The following BET1L variants were observed in gnomAD, a reference collection of about 807,000 sequenced individuals.
BET1L encodes BET1-like protein.
In BET1L, 13 loss-of-function variants were observed where a neutral mutation model predicts 12.6. That is an observed-to-expected ratio of 1.03 (90% CI 0.67 to 1.64). The LOEUF (loss-of-function observed/expected upper bound fraction) is 1.64. Ranked by LOEUF, BET1L falls within the 40% of genes most tolerant of loss-of-function variation. BET1L has a pLI of 0.00. For missense variants in BET1L, 154 were observed against 150.7 expected (o/e 1.02, Z -0.11); for synonymous variants, 60 against 56.9 (o/e 1.05, Z -0.25).
intron 1 of BET1L, chr11:206,958 A>C: frequency 2.7e-6 from 1 of 374,614 alleles, no homozygotes. Flanking sequence ...CACAGCCTCT[A>C]CTCCTAGGGC....
At chr11:205,528 C>T in intron 3 of BET1L, 59 bp from the exon 4 acceptor site, 1 of 1,614,196 alleles carries the variant, frequency 6.2e-7, no homozygotes, top group Non-Finnish European at 8.5e-7. Context: ...CCCACCCGCA[C>T]CAGTGCTGAA....
chr11:205,207 G>A lies in BET1L; in HGVS notation c.*95C>T. 1 of 1,405,496 alleles carries A rather than the reference G, an allele frequency of 7.1e-7. No homozygotes were observed. The highest frequency in any genetic ancestry group is 2.5e-5 in the East Asian group (1 of 40,710). 87.1% of individuals were successfully genotyped at this position (1,405,496 alleles called of 1,614,324 possible). On this transcript the variant is annotated 3_prime_UTR_variant, in exon 4 of 4. Coordinates refer to ENST00000382762, the MANE Select transcript of BET1L (RefSeq NM_001098787.2). ...CCTGACCCACAATTATCATTGCAAA[G>A]GAGTATTTTGTAGGTAAGTCCTCTG...
At position 207,354 on chromosome 11, in the gene BET1L, C is replaced by CGCCTCAGACGTGGCCACAGCCGCCTCA. The variant is rs1564796955; in HGVS notation, c.-34_-33insTGAGGCGGCTGTGGCCACGTCTGAGGC. ...TGCCCCGGCTCCTCGACGCGGACAC[C>CGCCTCAGACGTGGCCACAGCCGCCTCA]GACGCGGCCACAGCCGCCTCAGACG... On this transcript the variant is annotated 5_prime_UTR_variant, in exon 1 of 4. Transcript: ENST00000382762. The CGCCTCAGACGTGGCCACAGCCGCCTCA allele has an allele frequency of 3.2e-5, 35 of 1,099,342 alleles. No homozygotes were observed. Among genetic ancestry groups the CGCCTCAGACGTGGCCACAGCCGCCTCA allele is most frequent in the South Asian group, 2.3e-4 (17 of 73,024 alleles). The allele number at this position is 1,099,342 out of a possible 1,614,324, so 68.1% of individuals were successfully genotyped here.
At chr11:207,197 C>G in intron 1 of BET1L, 106 bp downstream of exon 1, 1 of 1,409,826 alleles carries the variant, frequency 7.1e-7, no homozygotes, top group South Asian at 1.3e-5. Context: ...TCCTCTCGGC[C>G]GAGGTCACCC....
chr11:206,985 T>C lies in BET1L; in HGVS notation c.19+318A>G, dbSNP rs1855179763. On this transcript the variant is annotated intron_variant, in intron 1 of 3. Transcript: ENST00000382762. ...TCCTAGGGCCTGGCCTCGGGACCTG[T>C]CGAATGCCGACTCCCGCTCACCCCG... is the stretch of plus-strand genomic sequence containing the variant. 4 of 429,040 alleles carry C rather than the reference T, an allele frequency of 9.3e-6. No homozygotes were observed. The South Asian group carries it at 1.3e-4, about 13-fold the overall frequency. 26.6% of individuals were successfully genotyped at this position (429,040 alleles called of 1,614,324 possible).
intron 1 of BET1L, chr11:206,937 C>A: frequency 3.1e-6 from 1 of 320,256 alleles, no homozygotes; most frequent in Non-Finnish European, 5.8e-6. Flanking sequence ...CCTGCTTGGA[C>A]ACCAGCGGAG....
intron 1 of BET1L, among the ~76,000 whole-genome samples, chr11:206,457 A>G (rs572028110): frequency 6.6e-6 from 1 of 152,398 alleles, no homozygotes; most frequent in South Asian, 2.1e-4. Context: ...AAAAGTACCC[A>G]GCAAGGCAGC....
At chr11:207,258 T>C in intron 1 of BET1L, 45 bp downstream of exon 1, 1 of 1,517,976 alleles carries the variant, frequency 6.6e-7, no homozygotes, top group Non-Finnish European at 8.8e-7. Flanking sequence ...CGGCGTCGGT[T>C]TCGGCCCGGC....
Position 205,675 on chromosome 11 carries a change from GCAGA to G in BET1L, c.112-12_112-9del. On this transcript the variant is annotated splice_polypyrimidine_tract_variant and intron_variant, in intron 2 of 3. Transcript: ENST00000382762. ...ATCGATGTCCAGGGCGAGCTGTTCA[GCAGA>G]CAGAGAGGGCAGGGTTGGGCCAGAG... 6.2e-7 allele frequency: 1 copy of G among 1,604,468 alleles called. No individual in the cohort carries two copies. Among genetic ancestry groups the G allele is most frequent in the Non-Finnish European group, 8.5e-7 (1 of 1,176,426 alleles).
intron 1 of BET1L, 123 bp downstream of exon 1, chr11:207,180 G>T: frequency 7.6e-7 from 1 of 1,310,848 alleles, no homozygotes. Context: ...CCGCCCCCCT[G>T]ACAGGGTCCT....
Position 205,099 on chromosome 11 carries a change from G to C in BET1L, c.*203C>G. The C allele has an allele frequency of 1.5e-6, 1 of 672,042 alleles. No individual in the cohort carries two copies. Among genetic ancestry groups the C allele is most frequent in the Non-Finnish European group, 2.4e-6 (1 of 414,180 alleles). 41.6% of individuals were successfully genotyped at this position (672,042 alleles called of 1,614,324 possible). ...GCTGGGCCTTGGTTTCCCCGAGAGA[G>C]TCCCTTTCACACATGGGACCAGCCA... On this transcript the variant is annotated 3_prime_UTR_variant, in exon 4 of 4. Coordinates refer to ENST00000382762, the MANE Select transcript of BET1L (RefSeq NM_001098787.2).
rs781035023 is a variant in BET1L at position 207,263 on chromosome 11, C to A, written c.19+40G>T. On this transcript the variant is annotated intron_variant, in intron 1 of 3. Transcript: ENST00000382762. ...CTACAGGCAGCGGCGTCGGTTTCGG[C>A]CCGGCCCTGCCCCCAACGGCTCCGC... The A allele has an allele frequency of 5.3e-6, 8 of 1,522,078 alleles. No homozygotes were observed. In the East Asian group the frequency reaches 1.5e-4, roughly 29 times the overall value. 94.3% of individuals were successfully genotyped at this position (1,522,078 alleles called of 1,614,324 possible). A position where few individuals can be genotyped will look rare whatever the true frequency, so the allele number is the denominator to read the frequency against.
intron 1 of BET1L, 66 bp from the exon 2 acceptor site, chr11:206,109 C>T: frequency 7.1e-7 from 1 of 1,407,880 alleles, no homozygotes; most frequent in East Asian, 2.3e-5. Flanking sequence ...CCCTCTCACT[C>T]CAACCACATC....
At chr11:207,176 C>T in intron 1 of BET1L, 127 bp downstream of exon 1, 1 of 1,281,682 alleles carries the variant, frequency 7.8e-7, no homozygotes, top group Non-Finnish European at 1.0e-6. Flanking sequence ...GAATCCGCCC[C>T]CCTGACAGGG....
Position 204,084 on chromosome 11 carries a change from G to T in BET1L, c.*1218C>A. On this transcript the variant is annotated 3_prime_UTR_variant, in exon 4 of 4. Transcript: ENST00000382762. ...ACATATGGTGTGGCCACACAGGTGG[G>T]GGGACAGTGATCCCATAGTCCCCAG... 6.5e-6 allele frequency: 1 copy of T among 152,900 alleles called. No homozygotes were observed. The allele number at this position is 152,900 out of a possible 1,614,324, so 9.5% of individuals were successfully genotyped here.
chr11:206,123 G>GT, intron 1 of BET1L, 80 bp from the exon 2 acceptor site: 1 of 1,286,962 alleles, frequency 7.8e-7, no homozygotes, highest in Non-Finnish European at 1.1e-6. Context: ...CCACATCTGG[G>GT]TGAGTCAGAA....
intron 1 of BET1L, 59 bp downstream of exon 1, chr11:207,244 G>A: frequency 6.6e-7 from 1 of 1,511,142 alleles, no homozygotes; most frequent in Non-Finnish European, 8.8e-7. Flanking sequence ...GGCTCTACAG[G>A]CAGCGGCGTC....
rs1217970752 is a variant in BET1L at position 205,066 on chromosome 11, G to A, written c.*236C>T. 3 of 537,608 alleles carry A rather than the reference G, an allele frequency of 5.6e-6. No individual in the cohort carries two copies. In the South Asian group the frequency reaches 6.3e-5, roughly 11 times the overall value. The allele number at this position is 537,608 out of a possible 1,614,324, so 33.3% of individuals were successfully genotyped here. On this transcript the variant is annotated 3_prime_UTR_variant, in exon 4 of 4. Transcript: ENST00000382762. ...CTGGCTCTCTAGCACCTGGGGGAGG[G>A]GGGAGGGGCTGGGCCTTGGTTTCCC... is the stretch of plus-strand genomic sequence containing the variant.
rs977577507 is a variant in BET1L at position 204,328 on chromosome 11, G to C, written c.*974C>G. 6.6e-6 allele frequency: 1 copy of C among 152,286 alleles called. No individual in the cohort carries two copies. The highest frequency in any genetic ancestry group is 1.5e-5 in the Non-Finnish European group (1 of 68,096). 9.4% of individuals were successfully genotyped at this position (152,286 alleles called of 1,614,324 possible). ...AGGTGGGTAGGGAGGGCATCCTGCA[G>C]AGGCTGGGGACAAGGAGGATGGCAC... On this transcript the variant is annotated 3_prime_UTR_variant, in exon 4 of 4. Coordinates refer to ENST00000382762, the MANE Select transcript of BET1L (RefSeq NM_001098787.2).
Sources: allele counts gnomAD v4.1 joint callset (sites outside exome capture counted in the v4.1 genomes callset), GRCh38; gene constraint gnomAD v4.1.1; transcripts MANE v1.5; gene names NCBI Gene and HGNC (gene_info 2026-07-23, HGNC 2026-07-21).